The following KCNQ5 variants were observed in gnomAD, a reference collection of about 807,000 sequenced individuals.
KCNQ5 encodes potassium voltage-gated channel subfamily KQT member 5.
Under a neutral mutation model 98.2 loss-of-function variants are expected in KCNQ5, and 30 were observed. The observed-to-expected ratio is 0.31, with a 90% CI of 0.23 to 0.41. The LOEUF is 0.41. Among genes scored for constraint, KCNQ5 ranks in the 10% least tolerant of loss-of-function variants. The pLI is 1.00. For missense variants in KCNQ5, 835 were observed against 1,182.5 expected, an observed-to-expected ratio of 0.71 and a Z score of 4.31; for synonymous variants, 458 against 449.4, an observed-to-expected ratio of 1.02 and a Z score of -0.24.
At chr6:72,807,080 T>G (rs1484480486) in intron 1 of KCNQ5, among the ~76,000 whole-genome samples, 3 of 152,130 alleles carry the variant, frequency 2.0e-5, no homozygotes, top group Non-Finnish European at 4.4e-5. Context: ...TGCATTTATG[T>G]GTTTATGCAT....
chr6:73,143,797 T>C (rs141189847), intron 10 of KCNQ5, among the ~76,000 whole-genome samples: 152 of 152,310 alleles, frequency 1.0e-3, no homozygotes, highest in African/African-American at 3.6e-3. Context: ...ACAGTATTGA[T>C]TGGCACTGAG....
chr6:72,775,640 C>T (rs947278001), intron 1 of KCNQ5, among the ~76,000 whole-genome samples: 3 of 152,042 alleles, frequency 2.0e-5, no homozygotes, highest in Non-Finnish European at 2.9e-5. Flanking sequence ...TGATTGCGGT[C>T]GACATCATCA....
At chr6:72,652,815 A>G (rs1765942579) in intron 1 of KCNQ5, among the ~76,000 whole-genome samples, 1 of 152,098 alleles carries the variant, frequency 6.6e-6, no homozygotes. Context: ...ATTCAGCCTC[A>G]CAAGAGGCTC....
chr6:73,082,887 C>CTT (rs66921503), intron 5 of KCNQ5, among the ~76,000 whole-genome samples: 11 of 72,908 alleles, frequency 1.5e-4, no homozygotes, highest in Admixed American at 1.7e-4. Flanking sequence ...ATTACCAAAC[C>CTT]TTTTTTTTTT....
chr6:72,925,412 T>G lies in KCNQ5; in HGVS notation c.399-78496T>G, dbSNP rs1582027911. 4.6e-5 allele frequency among the ~76,000 whole-genome samples: 7 copies of G among 152,348 alleles called. No homozygotes were observed. In the South Asian group the frequency reaches 1.5e-3, roughly 32 times the overall value. On this transcript the variant is annotated intron_variant, in intron 1 of 13. Coordinates refer to ENST00000370398, the MANE Select transcript of KCNQ5 (RefSeq NM_019842.4). ...TATATCTCAACTAGTTTTTGCATCTTGTAATAATGTCCCTAAGAAGCCAAC... is the reference window on the plus strand; with the variant it reads ...TATATCTCAACTAGTTTTTGCATCTGGTAATAATGTCCCTAAGAAGCCAAC...
rs796166347 is a variant in KCNQ5, at chr6:72,838,726, G to A, written c.399-165182G>A. Among the ~76,000 whole-genome samples the A allele has an allele frequency of 1.3e-3, 192 of 151,690 alleles. 1 individual carries two copies. Among genetic ancestry groups the A allele is most frequent in the African/African-American group, 4.5e-3 (186 of 41,420 alleles). On this transcript the variant is annotated intron_variant, in intron 1 of 13. Transcript: ENST00000370398. ...AGCACTTTGGGAGGCCGAGGCGGGCGGATCACGAGGTCAGGAGATCGAGAC... is the reference window on the plus strand; with the variant it reads ...AGCACTTTGGGAGGCCGAGGCGGGCAGATCACGAGGTCAGGAGATCGAGAC...
At chr6:72,830,921 G>T (rs1776233905) in intron 1 of KCNQ5, among the ~76,000 whole-genome samples, 1 of 152,096 alleles carries the variant, frequency 6.6e-6, no homozygotes, top group African/African-American at 2.4e-5. Flanking sequence ...GTGGGCAAAA[G>T]ATATGAACAG....
intron 2 of KCNQ5, among the ~76,000 whole-genome samples, chr6:73,024,578 AG>A: frequency 6.6e-6 from 1 of 152,348 alleles, no homozygotes; most frequent in Admixed American, 6.5e-5. Context: ...TCAGAAATAG[AG>A]GAATAAAATA....
At chr6:72,774,366 G>T (rs1317186058) in intron 1 of KCNQ5, among the ~76,000 whole-genome samples, 2 of 152,098 alleles carry the variant, frequency 1.3e-5, no homozygotes, top group East Asian at 1.9e-4. Context: ...GGTTTGGATT[G>T]CAGGCTATAG....
chr6:73,000,572 C>T (rs1769521602), intron 1 of KCNQ5, among the ~76,000 whole-genome samples: 2 of 152,198 alleles, frequency 1.3e-5, no homozygotes, highest in Non-Finnish European at 2.9e-5. Context: ...CTCCCCAAAA[C>T]CAGTTTCTCC....
intron 1 of KCNQ5, among the ~76,000 whole-genome samples, chr6:72,623,907 C>T (rs919367493): frequency 6.6e-6 from 1 of 152,152 alleles, no homozygotes; most frequent in African/African-American, 2.4e-5. Flanking sequence ...TTTGAAATAA[C>T]ATGGAAGAAG....
chr6:72,749,267 T>C (rs1264317470), intron 1 of KCNQ5, among the ~76,000 whole-genome samples: 1 of 152,138 alleles, frequency 6.6e-6, no homozygotes, highest in Non-Finnish European at 1.5e-5. Context: ...TCAAATAGAA[T>C]ACCAATTTAT....
At chr6:72,844,190 T>G (rs1776927541) in intron 1 of KCNQ5, among the ~76,000 whole-genome samples, 1 of 152,160 alleles carries the variant, frequency 6.6e-6, no homozygotes, top group Non-Finnish European at 1.5e-5. Context: ...TAGTAACCAC[T>G]GCAAGACACA....
intron 1 of KCNQ5, among the ~76,000 whole-genome samples, chr6:72,969,877 G>A (rs917050095): frequency 6.6e-5 from 10 of 152,146 alleles, no homozygotes; most frequent in East Asian, 1.9e-4. Context: ...GGATAACAAC[G>A]TCTGGTTATC....
chr6:72,947,096 G>C (rs1011154841), intron 1 of KCNQ5, among the ~76,000 whole-genome samples: 4 of 152,136 alleles, frequency 2.6e-5, no homozygotes, highest in Non-Finnish European at 5.9e-5. Context: ...AACCGCAGCT[G>C]TATCATTGAG....
chr6:72,786,046 AATAG>A (rs1773723570), intron 1 of KCNQ5, among the ~76,000 whole-genome samples: 1 of 152,214 alleles, frequency 6.6e-6, no homozygotes, highest in South Asian at 2.1e-4. Flanking sequence ...TAATTTTAAT[AATAG>A]ATTTGATTTA....
intron 1 of KCNQ5, chr6:72,986,588 TG>T: frequency 1.6e-6 from 1 of 641,108 alleles, no homozygotes; most frequent in East Asian, 2.7e-5. Context: ...CAGCACCCTT[TG>T]TGAGGAGCAC....
At chr6:72,956,661 C>G (rs2150261026) in intron 1 of KCNQ5, among the ~76,000 whole-genome samples, 1 of 151,544 alleles carries the variant, frequency 6.6e-6, no homozygotes, top group Non-Finnish European at 1.5e-5. Flanking sequence ...CCACCTCCAC[C>G]TCCCAAAATG....
intron 1 of KCNQ5, among the ~76,000 whole-genome samples, chr6:72,821,325 A>G (rs1208972933): frequency 6.6e-6 from 1 of 152,206 alleles, no homozygotes; most frequent in Non-Finnish European, 1.5e-5. Context: ...GAAGGAATAC[A>G]AGAGATCCAT....
Sources: gnomAD v4.1 joint callset for allele counts (sites outside exome capture counted in the v4.1 genomes callset) on GRCh38, gnomAD v4.1.1 for gene constraint, MANE v1.5 for transcripts, NCBI Gene and HGNC (gene_info 2026-07-23, HGNC 2026-07-21) for gene names.